Variants in ME3 observed in about 807,000 individuals in gnomAD.
ME3 encodes the protein malic enzyme 3, also known as NADP-dependent malic enzyme, mitochondrial.
Under a neutral mutation model 68.9 loss-of-function variants are expected in ME3, and 48 were observed. The observed-to-expected ratio is 0.70, with a 90% CI of 0.55 to 0.89. The LOEUF (loss-of-function observed/expected upper bound fraction) is 0.89, where lower values mean the gene tolerates loss of function less well. Among genes scored for constraint, ME3 ranks in the 40% least tolerant of loss-of-function variants. ME3 has a pLI of 0.00. For missense variants in ME3, 675 were observed against 797.4 expected (o/e 0.85, Z 1.85); for synonymous variants, 320 against 318.8 (o/e 1.00, Z -0.04).
intron 2 of ME3, among the ~76,000 whole-genome samples, chr11:86,582,331 A>T (rs1283585284): frequency 6.6e-6 from 1 of 152,234 alleles, no homozygotes; most frequent in Non-Finnish European, 1.5e-5. Flanking sequence ...TAAAATTAAA[A>T]ATTCAGTGTG....
At chr11:86,446,638 A>G in intron 12 of ME3, 151 bp from the exon 13 acceptor site, 1 of 768,628 alleles carries the variant, frequency 1.3e-6, no homozygotes, top group Non-Finnish European at 2.1e-6. Context: ...TTTAAAGCAC[A>G]TTTGTCATTT....
chr11:86,672,451 G>A (rs1947018842), exon 1 of ME3: 1 of 153,128 alleles, frequency 6.5e-6, no homozygotes, highest in South Asian at 2.1e-4. Flanking sequence ...TCGCGGAGCT[G>A]GTGAGTTCCT....
chr11:86,671,583 A>G (rs1367443388), intron 2 of ME3, 179 bp downstream of exon 2: 2 of 679,712 alleles, frequency 2.9e-6, no homozygotes, highest in African/African-American at 3.9e-5. Context: ...CTCCACGCAT[A>G]AAAGGGAGAG....
intron 2 of ME3, among the ~76,000 whole-genome samples, chr11:86,599,850 T>C (rs1442308631): frequency 2.6e-5 from 4 of 152,130 alleles, no homozygotes; most frequent in Admixed American, 6.5e-5. Flanking sequence ...CCAGCCAAAC[T>C]AAGCTTCATA....
At chr11:86,479,572 T>G (rs1594117479) in intron 7 of ME3, among the ~76,000 whole-genome samples, 1 of 152,330 alleles carries the variant, frequency 6.6e-6, no homozygotes, top group African/African-American at 2.4e-5. Context: ...CTTGCTTTTC[T>G]CATGATGTAC....
At chr11:86,521,255 C>T (rs1439610192) in intron 4 of ME3, among the ~76,000 whole-genome samples, 2 of 151,914 alleles carry the variant, frequency 1.3e-5, no homozygotes, top group Admixed American at 6.6e-5. Flanking sequence ...ATTAGCCGGG[C>T]GTGATGGCGG....
chr11:86,579,373 TC>T (rs1255012432), intron 2 of ME3, among the ~76,000 whole-genome samples: 2 of 152,072 alleles, frequency 1.3e-5, no homozygotes, highest in Non-Finnish European at 2.9e-5. Context: ...GAGTTGGTGT[TC>T]CTGGCTTCAA....
At chr11:86,518,761 CTT>C (rs1954062990) in intron 4 of ME3, among the ~76,000 whole-genome samples, 1 of 152,132 alleles carries the variant, frequency 6.6e-6, no homozygotes, top group Admixed American at 6.5e-5. Flanking sequence ...GGAATAGGGT[CTT>C]TGCAGATGTG....
At chr11:86,610,601 G>A (rs547411028) in intron 2 of ME3, among the ~76,000 whole-genome samples, 1 of 151,970 alleles carries the variant, frequency 6.6e-6, no homozygotes, top group South Asian at 2.1e-4. Context: ...ATCCCTTGCT[G>A]CTCAGGGTGG....
At chr11:86,652,809 A>G (rs1470870773) in intron 2 of ME3, among the ~76,000 whole-genome samples, 2 of 152,200 alleles carry the variant, frequency 1.3e-5, no homozygotes, top group Non-Finnish European at 2.9e-5. Context: ...CAAATTGCAT[A>G]AAGAGTCAAG....
intron 2 of ME3, among the ~76,000 whole-genome samples, chr11:86,580,596 C>T (rs759632536): frequency 5.3e-5 from 8 of 152,122 alleles, no homozygotes; most frequent in Admixed American, 2.0e-4. Flanking sequence ...ATATCAAATA[C>T]TCTTGTGGTA....
At chr11:86,512,002 G>A (rs12271274) in intron 4 of ME3, among the ~76,000 whole-genome samples, 1 of 151,920 alleles carries the variant, frequency 6.6e-6, no homozygotes, top group Non-Finnish European at 1.5e-5. Flanking sequence ...CCATTCCCTA[G>A]CCTCCTGCCC....
In ME3 at chr11:86,487,409, AG is replaced by A. The variant is rs773067187; in HGVS notation, c.736del (p.Leu246Ter). 6.2e-7 allele frequency: 1 copy of A among 1,614,014 alleles called. No individual in the cohort carries two copies. The highest frequency in any genetic ancestry group is 2.2e-5 in the East Asian group (1 of 44,868). On this transcript the variant is annotated frameshift_variant, in exon 7 of 15. Transcript: ENST00000543262. LOFTEE classifies it high-confidence loss of function. Reference sequence around the variant, plus strand: ...CTTCCCGTGCACGCGCTGGTGTTTCAGGCCGATGTACAGAGGGTCTCTGAGC... The same window carrying A: ...CTTCCCGTGCACGCGCTGGTGTTTCAGCCGATGTACAGAGGGTCTCTGAGC...
At chr11:86,457,772 A>C in intron 8 of ME3, 1 of 1,270,068 alleles carries the variant, frequency 7.9e-7, no homozygotes, top group Non-Finnish European at 1.0e-6. Flanking sequence ...ATTCATGGTA[A>C]AAGAAAAAGA....
intron 2 of ME3, among the ~76,000 whole-genome samples, chr11:86,625,530 T>C (rs1943609798): frequency 6.6e-6 from 1 of 152,134 alleles, no homozygotes; most frequent in South Asian, 2.1e-4. Flanking sequence ...GAATCCCAGC[T>C]CTTACAGGTA....
intron 4 of ME3, among the ~76,000 whole-genome samples, chr11:86,525,511 TAAAA>T (rs545938132): frequency 7.2e-6 from 1 of 138,038 alleles, no homozygotes; most frequent in African/African-American, 2.7e-5. Context: ...CTGAATGGTT[TAAAA>T]AAAAAAAAAA....
Position 86,622,354 on chromosome 11 carries a change from A to G in ME3, c.183+49408T>C, listed in dbSNP as rs555088603. ...ACATACTACAGACACTGCCATATCC[A>G]GTGATATATCTACAGGGATTGTGGG... is the stretch of plus-strand genomic sequence containing the variant. On this transcript the variant is annotated intron_variant, in intron 2 of 14. Transcript: ENST00000543262. Among the ~76,000 whole-genome samples, 12 of 152,012 alleles carry G rather than the reference A, an allele frequency of 7.9e-5. No individual in the cohort carries two copies. The South Asian group carries it at 2.5e-3, about 32-fold the overall frequency.
chr11:86,477,543 A>G (rs76916490), intron 7 of ME3, among the ~76,000 whole-genome samples: 2,509 of 152,310 alleles, frequency 0.016, 69 homozygotes, highest in African/African-American at 0.056. Flanking sequence ...AGACCCTTAT[A>G]TTCCTTCATC....
rs147758161 is a variant in ME3, at chr11:86,467,360, C to G, written c.810-2160G>C. On this transcript the variant is annotated intron_variant, in intron 7 of 14. Transcript: ENST00000543262. ...TTGGTGGGGGGCTCACTGTGTCTCCCCACCCACCATCCAGCCCTCTTTTGC... is the reference window on the plus strand; with the variant it reads ...TTGGTGGGGGGCTCACTGTGTCTCCGCACCCACCATCCAGCCCTCTTTTGC... 5.2e-3 allele frequency among the ~76,000 whole-genome samples: 784 copies of G among 152,162 alleles called. 4 individuals are homozygous for G. The highest frequency in any genetic ancestry group is 0.018 in the African/African-American group (758 of 41,506).
Sources: allele counts gnomAD v4.1 joint callset (sites outside exome capture counted in the v4.1 genomes callset), GRCh38; gene constraint gnomAD v4.1.1; transcripts MANE v1.5; gene names NCBI Gene and HGNC (gene_info 2026-07-23, HGNC 2026-07-21).